The following PITPNC1 variants were observed in gnomAD, a reference collection of about 807,000 sequenced individuals.
PITPNC1 encodes the protein cytoplasmic phosphatidylinositol transfer protein 1.
A neutral mutation model predicts 44.7 loss-of-function variants in PITPNC1; 18 were observed. The observed-to-expected ratio is 0.40, with a 90% CI of 0.28 to 0.60. The LOEUF is 0.60. PITPNC1 is among the 20% of genes least tolerant of loss of function. The probability of loss-of-function intolerance (pLI) is 0.39; values close to 1 mark genes in which losing one functional copy is unlikely to be tolerated. For missense variants in PITPNC1, 290 were observed against 418.4 expected (o/e 0.69, Z 2.68); for synonymous variants, 141 against 149.6 (o/e 0.94, Z 0.42).
At chr17:67,605,313 C>T (rs577573185) in intron 5 of PITPNC1, among the ~76,000 whole-genome samples, 71 of 152,312 alleles carry the variant, frequency 4.7e-4, no homozygotes, top group Non-Finnish European at 8.2e-4. Context: ...TAGCTCCCTG[C>T]ATGGAGAAGG....
intron 1 of PITPNC1, among the ~76,000 whole-genome samples, chr17:67,399,711 C>A (rs764713387): frequency 6.6e-6 from 1 of 152,304 alleles, no homozygotes; most frequent in Non-Finnish European, 1.5e-5. Flanking sequence ...AAAACTTACC[C>A]CTGAAAACAG....
intron 1 of PITPNC1, among the ~76,000 whole-genome samples, chr17:67,429,511 C>T (rs1418643738): frequency 6.6e-6 from 1 of 152,062 alleles, no homozygotes; most frequent in Non-Finnish European, 1.5e-5. Context: ...CCAACCTGGC[C>T]ATCATGGTGA....
intron 4 of PITPNC1, among the ~76,000 whole-genome samples, chr17:67,572,467 G>GC (rs1478426684): frequency 1.4e-4 from 9 of 62,900 alleles, no homozygotes; most frequent in East Asian, 1.3e-3. Context: ...GCTGGGTAAA[G>GC]CGGGGGGGGG....
intron 6 of PITPNC1, among the ~76,000 whole-genome samples, chr17:67,668,128 C>A (rs114354015): frequency 5.9e-5 from 9 of 152,112 alleles, no homozygotes; most frequent in African/African-American, 2.2e-4. Flanking sequence ...TCCTTCATGT[C>A]CCTTTGCACC....
At chr17:67,538,380 G>A (rs1280320846) in intron 2 of PITPNC1, among the ~76,000 whole-genome samples, 4 of 152,200 alleles carry the variant, frequency 2.6e-5, no homozygotes, top group Middle Eastern at 3.4e-3. Context: ...AGGGAGGATC[G>A]ATTGAGCCTA....
intron 1 of PITPNC1, among the ~76,000 whole-genome samples, chr17:67,378,552 G>GT (rs1396222358): frequency 6.6e-6 from 1 of 152,146 alleles, no homozygotes; most frequent in Admixed American, 6.5e-5. Flanking sequence ...TGTAGCTGGG[G>GT]TTTGGGGGGC....
chr17:67,647,477 T>TTTTTTTTG (rs1567757590), intron 6 of PITPNC1, among the ~76,000 whole-genome samples: 21 of 113,056 alleles, frequency 1.9e-4, no homozygotes, highest in African/African-American at 8.0e-4. Flanking sequence ...TTTTTTTTTT[T>TTTTTTTTG]TTTTTTTTTT....
chr17:67,534,579 C>T (rs968076356), intron 2 of PITPNC1, among the ~76,000 whole-genome samples: 1 of 151,352 alleles, frequency 6.6e-6, no homozygotes, highest in Non-Finnish European at 1.5e-5. Flanking sequence ...TTGAGGGCTG[C>T]AGTGAGCTGA....
chr17:67,513,827 T>A (rs1313104983), intron 1 of PITPNC1, among the ~76,000 whole-genome samples: 1 of 152,204 alleles, frequency 6.6e-6, no homozygotes, highest in Non-Finnish European at 1.5e-5. Flanking sequence ...TATGGATCTA[T>A]CATTCTTTAA....
intron 1 of PITPNC1, among the ~76,000 whole-genome samples, chr17:67,464,429 C>T (rs978515112): frequency 6.6e-6 from 1 of 152,080 alleles, no homozygotes; most frequent in African/African-American, 2.4e-5. Flanking sequence ...CAATGAATTT[C>T]TAAATGGAGG....
At chr17:67,575,835 CTTCCTTCTTTCTTTCTTTCT>C (rs2041137515) in intron 4 of PITPNC1, among the ~76,000 whole-genome samples, 6 of 95,328 alleles carry the variant, frequency 6.3e-5, no homozygotes, top group South Asian at 3.8e-4. Flanking sequence ...TCCTTCCTTC[CTTCCTTCTTTCTTTCTTTCT>C]TTCCTTCCTT....
chr17:67,519,424 G>T (rs574996529), intron 1 of PITPNC1, among the ~76,000 whole-genome samples: 39 of 152,150 alleles, frequency 2.6e-4, no homozygotes, highest in South Asian at 8.3e-4. Flanking sequence ...TAATCCTCTT[G>T]CCTTGGCCTC....
chr17:67,692,938 T>A lies in PITPNC1; in HGVS notation c.*50T>A. 1.8e-6 allele frequency: 2 copies of A among 1,124,878 alleles called. No individual in the cohort carries two copies. The highest frequency in any genetic ancestry group is 2.5e-6 in the Non-Finnish European group (2 of 797,500). 69.7% of individuals were successfully genotyped at this position (1,124,878 alleles called of 1,614,324 possible). Reference sequence around the variant, plus strand: ...TTTATATTTTCATTTGTTGTTGTTGTTTTTTTTTAAGAATCTTCTGATAGA... The same window carrying A: ...TTTATATTTTCATTTGTTGTTGTTGATTTTTTTTAAGAATCTTCTGATAGA... On this transcript the variant is annotated 3_prime_UTR_variant, in exon 9 of 9. Transcript: ENST00000581322.
intron 1 of PITPNC1, among the ~76,000 whole-genome samples, chr17:67,466,815 C>G (rs1457660205): frequency 6.6e-6 from 1 of 152,100 alleles, no homozygotes. Context: ...CCTTGATCCT[C>G]TCTTTCAACT....
Position 67,391,775 on chromosome 17 carries a change from C to T in PITPNC1, c.48+13573C>T, listed in dbSNP as rs138909634. Among the ~76,000 whole-genome samples the T allele has an allele frequency of 9.3e-3, 1,419 of 152,106 alleles. 18 individuals are homozygous for T. Among genetic ancestry groups the T allele is most frequent in the African/African-American group, 0.031 (1,304 of 41,486 alleles). ...GGATTACAGGAGTGAGCCACCGCAC[C>T]GGGCCAAAAAATCCAATTTCTTAGA... On this transcript the variant is annotated intron_variant, in intron 1 of 8. Coordinates refer to ENST00000581322, the MANE Select transcript of PITPNC1 (RefSeq NM_012417.4).
At chr17:67,438,429 CCTCAG>C (rs919304270) in intron 1 of PITPNC1, among the ~76,000 whole-genome samples, 2 of 151,820 alleles carry the variant, frequency 1.3e-5, no homozygotes, top group Non-Finnish European at 2.9e-5. Flanking sequence ...GATTCTCCTG[CCTCAG>C]CCTCCCCAGT....
intron 4 of PITPNC1, among the ~76,000 whole-genome samples, chr17:67,558,860 G>A (rs1598819526): frequency 6.6e-6 from 1 of 152,066 alleles, no homozygotes; most frequent in African/African-American, 2.4e-5. Context: ...ACCTCAAATC[G>A]TATTGAGCCA....
chr17:67,696,262 G>T lies in PITPNC1; in HGVS notation c.*3374G>T, dbSNP rs2043009899. ...CACTGTAATAAACAGTGAACTAAGA[G>T]AATAGATTCTGATACATCTCGATAA... On this transcript the variant is annotated 3_prime_UTR_variant, in exon 9 of 9. Transcript: ENST00000581322. 1 of 152,194 alleles carries T rather than the reference G, an allele frequency of 6.6e-6. No individual in the cohort carries two copies. The highest frequency in any genetic ancestry group is 1.5e-5 in the Non-Finnish European group (1 of 68,032). The allele number at this position is 152,194 out of a possible 1,614,324, so 9.4% of individuals were successfully genotyped here.
At chr17:67,558,252 G>A (rs985839926) in intron 4 of PITPNC1, among the ~76,000 whole-genome samples, 1 of 151,936 alleles carries the variant, frequency 6.6e-6, no homozygotes, top group Non-Finnish European at 1.5e-5. Flanking sequence ...CATTTGCCCA[G>A]GAAGTGGGAA....
Sources: gnomAD v4.1 joint callset for allele counts (sites outside exome capture counted in the v4.1 genomes callset) on GRCh38, gnomAD v4.1.1 for gene constraint, MANE v1.5 for transcripts, NCBI Gene and HGNC (gene_info 2026-07-23, HGNC 2026-07-21) for gene names.